The following CSMD1 variants were observed in gnomAD, a reference collection of about 807,000 sequenced individuals.
The protein encoded by CSMD1 is CUB and Sushi multiple domains 1.
In CSMD1, 213 loss-of-function variants were observed where a neutral mutation model predicts 417.5. The ratio of observed to expected loss-of-function variants is 0.51; its 90% CI spans 0.46 to 0.57. The LOEUF (loss-of-function observed/expected upper bound fraction) is 0.57. Among genes scored for constraint, CSMD1 ranks in the 20% least tolerant of loss-of-function variants. The pLI is 0.00. For missense variants in CSMD1, 6,923 were observed against 4,529.7 expected (o/e 1.53, Z -15.17); for synonymous variants, 2,862 against 1,736.8 (o/e 1.65, Z -16.11).
intron 1 of CSMD1, among the ~76,000 whole-genome samples, chr8:4,974,893 A>T (rs928092206): frequency 1.3e-5 from 2 of 152,238 alleles, no homozygotes; most frequent in African/African-American, 4.8e-5. Flanking sequence ...ACACAAAAAA[A>T]CTATGATGGT....
At chr8:4,085,542 T>A (rs1429454706) in intron 3 of CSMD1, among the ~76,000 whole-genome samples, 5 of 152,120 alleles carry the variant, frequency 3.3e-5, no homozygotes, top group Non-Finnish European at 2.9e-5. Flanking sequence ...TTTGTAACCC[T>A]AATAAGCTGG....
chr8:3,170,473 G>A (rs1395734821), intron 37 of CSMD1, among the ~76,000 whole-genome samples: 1 of 152,312 alleles, frequency 6.6e-6, no homozygotes, highest in East Asian at 1.9e-4. Context: ...CTCCCAAAGT[G>A]CTGGGATTAC....
At chr8:3,761,721 G>A (rs994680908) in intron 5 of CSMD1, among the ~76,000 whole-genome samples, 16 of 152,084 alleles carry the variant, frequency 1.1e-4, no homozygotes, top group Middle Eastern at 3.4e-3. Flanking sequence ...GGCCAGGCTG[G>A]TCTCGAACTT....
At chr8:4,929,028 A>T (rs1179046308) in intron 1 of CSMD1, among the ~76,000 whole-genome samples, 2 of 152,150 alleles carry the variant, frequency 1.3e-5, no homozygotes, top group Non-Finnish European at 2.9e-5. Flanking sequence ...CCGAGATTGC[A>T]CCACTGCATT....
chr8:4,914,881 G>T (rs1361819414), intron 1 of CSMD1, among the ~76,000 whole-genome samples: 1 of 152,096 alleles, frequency 6.6e-6, no homozygotes, highest in Non-Finnish European at 1.5e-5. Context: ...GAACTCACAA[G>T]AAAGACATGG....
At chr8:3,766,418 A>G (rs1245040736) in intron 5 of CSMD1, among the ~76,000 whole-genome samples, 2 of 152,182 alleles carry the variant, frequency 1.3e-5, no homozygotes, top group African/African-American at 4.8e-5. Flanking sequence ...GCTGTATCCA[A>G]TGTCCTGGTA....
chr8:3,133,096 TC>T (rs1383857202), intron 41 of CSMD1, among the ~76,000 whole-genome samples: 1 of 152,162 alleles, frequency 6.6e-6, no homozygotes, highest in Non-Finnish European at 1.5e-5. Flanking sequence ...CCTGCATCCT[TC>T]CCCAGGCCCC....
Position 4,242,407 on chromosome 8 carries a change from T to A in CSMD1, c.415+177546A>T, listed in dbSNP as rs567007184. Among the ~76,000 whole-genome samples, 256 of 152,100 alleles carry A rather than the reference T, an allele frequency of 1.7e-3. 1 individual carries two copies. Among genetic ancestry groups the A allele is most frequent in the African/African-American group, 6.0e-3 (248 of 41,500 alleles). ...GAAAACACTTCCCCCACCCAGCAAA[T>A]GAGAAAAGGATAAAATGTATCATAA... On this transcript the variant is annotated intron_variant, in intron 3 of 69. Transcript: ENST00000635120.
At chr8:4,558,678 C>T (rs964287100) in intron 2 of CSMD1, among the ~76,000 whole-genome samples, 2 of 151,990 alleles carry the variant, frequency 1.3e-5, no homozygotes, top group Non-Finnish European at 2.9e-5. Flanking sequence ...ACCAGGCTGG[C>T]CAACATGGTG....
chr8:3,821,411 G>C (rs544787729), intron 5 of CSMD1, among the ~76,000 whole-genome samples: 2 of 152,198 alleles, frequency 1.3e-5, no homozygotes, highest in African/African-American at 2.4e-5. Context: ...ACACGCGCAT[G>C]TGGATTATGC....
intron 1 of CSMD1, among the ~76,000 whole-genome samples, chr8:4,711,886 A>C (rs1808323460): frequency 6.6e-6 from 1 of 152,212 alleles, no homozygotes; most frequent in African/African-American, 2.4e-5. Flanking sequence ...TGGCACAAAT[A>C]ATACCAGCTG....
chr8:2,997,897 T>G, intron 54 of CSMD1, 114 bp downstream of exon 54: 1 of 983,610 alleles, frequency 1.0e-6, no homozygotes, highest in Non-Finnish European at 1.4e-6. Context: ...GGTGAGAGTT[T>G]GCAGAACTCT....
intron 9 of CSMD1, 130 bp downstream of exon 9, chr8:3,586,006 T>C (rs553439244): frequency 3.2e-6 from 3 of 939,260 alleles, no homozygotes; most frequent in African/African-American, 1.7e-5. Context: ...CACATCACTA[T>C]GAAAACATAC....
At chr8:4,150,731 T>C (rs1291289406) in intron 3 of CSMD1, among the ~76,000 whole-genome samples, 2 of 152,164 alleles carry the variant, frequency 1.3e-5, no homozygotes, top group Non-Finnish European at 2.9e-5. Context: ...AGAATGCAGA[T>C]TAAAAAGGAA....
intron 5 of CSMD1, among the ~76,000 whole-genome samples, chr8:3,770,675 G>A (rs896200340): frequency 2.0e-5 from 3 of 152,092 alleles, no homozygotes; most frequent in Admixed American, 6.6e-5. Context: ...ACTGACTGTC[G>A]CCCCAACACC....
intron 6 of CSMD1, among the ~76,000 whole-genome samples, chr8:3,729,142 G>T (rs999160606): frequency 6.6e-6 from 1 of 152,218 alleles, no homozygotes; most frequent in African/African-American, 2.4e-5. Context: ...AAACTCACTT[G>T]TGGAACATTT....
intron 1 of CSMD1, among the ~76,000 whole-genome samples, chr8:4,840,921 G>A (rs555154404): frequency 3.5e-4 from 54 of 152,298 alleles, no homozygotes; most frequent in African/African-American, 1.3e-3. Flanking sequence ...ACTGTAAAGT[G>A]AATACAAATA....
chr8:4,049,405 C>T (rs185055539), intron 3 of CSMD1, among the ~76,000 whole-genome samples: 17 of 151,694 alleles, frequency 1.1e-4, no homozygotes, highest in South Asian at 4.2e-4. Flanking sequence ...ACGTCATCTG[C>T]GGAGAAAAAT....
chr8:4,474,035 A>G (rs762068038), intron 2 of CSMD1, among the ~76,000 whole-genome samples: 21 of 152,186 alleles, frequency 1.4e-4, no homozygotes, highest in Non-Finnish European at 2.1e-4. Context: ...AAGAGATACT[A>G]TCAAAGAAAT....
Sources: allele counts gnomAD v4.1 joint callset (sites outside exome capture counted in the v4.1 genomes callset), GRCh38; gene constraint gnomAD v4.1.1; transcripts MANE v1.5; gene names NCBI Gene and HGNC (gene_info 2026-07-23, HGNC 2026-07-21).